The following FHOD3 variants were observed in gnomAD, a reference collection of about 807,000 sequenced individuals.
FHOD3 encodes the protein FH1/FH2 domain-containing protein 3.
In FHOD3, 90 loss-of-function variants were observed where a neutral mutation model predicts 173.0. The observed-to-expected ratio is 0.52, with a 90% CI of 0.44 to 0.62. The LOEUF is 0.62. Ranked by LOEUF, FHOD3 falls within the 20% of genes least tolerant of loss-of-function variation. The pLI is 0.00. For missense variants in FHOD3, 1,945 were observed against 2,034.7 expected (o/e 0.96, Z 0.85); for synonymous variants, 828 against 823.0 (o/e 1.01, Z -0.10).
chr18:36,315,735 T>G (rs945345546), intron 1 of FHOD3, among the ~76,000 whole-genome samples: 2 of 152,158 alleles, frequency 1.3e-5, no homozygotes, highest in Admixed American at 6.6e-5. Context: ...TGCACCAGGC[T>G]GGGGGAGAGG....
intron 3 of FHOD3, among the ~76,000 whole-genome samples, chr18:36,394,061 A>G (rs1406445626): frequency 6.6e-6 from 1 of 152,220 alleles, no homozygotes; most frequent in Non-Finnish European, 1.5e-5. Flanking sequence ...TGAATTTGCT[A>G]ACAAAGCAAA....
At chr18:36,774,499 A>C (rs570644339) in intron 28 of FHOD3, among the ~76,000 whole-genome samples, 1 of 152,280 alleles carries the variant, frequency 6.6e-6, no homozygotes, top group African/African-American at 2.4e-5. Context: ...CCAAACCTGG[A>C]CATCTGATTA....
intron 1 of FHOD3, among the ~76,000 whole-genome samples, chr18:36,347,791 A>C (rs759584897): frequency 1.3e-5 from 2 of 152,252 alleles, no homozygotes; most frequent in East Asian, 3.8e-4. Context: ...AATTGATTTC[A>C]TGTAGTCTTT....
At chr18:36,665,525 G>T (rs541867028) in intron 14 of FHOD3, among the ~76,000 whole-genome samples, 34 of 152,108 alleles carry the variant, frequency 2.2e-4, no homozygotes, top group African/African-American at 8.0e-4. Flanking sequence ...CAAAAGGTCT[G>T]GGAAACTGAG....
chr18:36,686,045 G>A (rs765970542), intron 15 of FHOD3, among the ~76,000 whole-genome samples: 6 of 152,076 alleles, frequency 3.9e-5, no homozygotes, highest in Non-Finnish European at 8.8e-5. Context: ...ACAGTGTGGC[G>A]ATTCCTCAGA....
chr18:36,681,339 G>T (rs1600219132), intron 14 of FHOD3, 97 bp from the exon 15 acceptor site: 2 of 1,449,036 alleles, frequency 1.4e-6, no homozygotes, highest in Non-Finnish European at 1.9e-6. Flanking sequence ...CTAGGTACCG[G>T]CAGACCCTCA....
intron 5 of FHOD3, among the ~76,000 whole-genome samples, chr18:36,526,998 A>G (rs994919098): frequency 1.3e-5 from 2 of 152,316 alleles, no homozygotes; most frequent in East Asian, 3.9e-4. Context: ...TGAGATGTTA[A>G]CCTTCTAGAT....
chr18:36,763,986 ATAT>A (rs2043033960), intron 27 of FHOD3, among the ~76,000 whole-genome samples: 4 of 152,224 alleles, frequency 2.6e-5, no homozygotes, highest in Non-Finnish European at 4.4e-5. Context: ...GAAGAAAATA[ATAT>A]TATGCTTTGG....
chr18:36,472,334 G>A (rs1197198894), intron 3 of FHOD3, among the ~76,000 whole-genome samples: 2 of 152,264 alleles, frequency 1.3e-5, no homozygotes, highest in East Asian at 3.9e-4. Context: ...TTTTATGGAT[G>A]AGAAAAAACC....
At chr18:36,715,209 A>C (rs2040382372) in intron 18 of FHOD3, among the ~76,000 whole-genome samples, 1 of 152,192 alleles carries the variant, frequency 6.6e-6, no homozygotes, top group African/African-American at 2.4e-5. Context: ...GACCAGGTGA[A>C]AATAATTGAA....
At chr18:36,422,753 G>A (rs539522155) in intron 3 of FHOD3, among the ~76,000 whole-genome samples, 6 of 152,276 alleles carry the variant, frequency 3.9e-5, no homozygotes, top group East Asian at 3.9e-4. Context: ...TTTTGAAAAC[G>A]TTAATTAGCG....
intron 1 of FHOD3, among the ~76,000 whole-genome samples, chr18:36,346,338 G>A (rs1334277431): frequency 6.6e-6 from 1 of 152,064 alleles, no homozygotes; most frequent in Admixed American, 6.6e-5. Flanking sequence ...TGCACTCCAA[G>A]CTGGGTGACA....
chr18:36,476,904 G>A (rs2053604644), intron 3 of FHOD3, among the ~76,000 whole-genome samples: 1 of 152,210 alleles, frequency 6.6e-6, no homozygotes, highest in African/African-American at 2.4e-5. Context: ...AAGAAGCATA[G>A]GATGAAGATC....
intron 3 of FHOD3, among the ~76,000 whole-genome samples, chr18:36,473,000 A>T (rs1476349169): frequency 6.6e-6 from 1 of 152,246 alleles, no homozygotes; most frequent in East Asian, 1.9e-4. Context: ...CTCCTTTGAC[A>T]TGACCAAAGC....
intron 4 of FHOD3, among the ~76,000 whole-genome samples, chr18:36,506,559 G>A (rs1043394061): frequency 1.3e-5 from 2 of 152,236 alleles, no homozygotes; most frequent in African/African-American, 4.8e-5. Flanking sequence ...TGAGCTGGAA[G>A]AAGTGGATAT....
chr18:36,400,173 T>A (rs558104749), intron 3 of FHOD3, among the ~76,000 whole-genome samples: 1 of 152,334 alleles, frequency 6.6e-6, no homozygotes, highest in Non-Finnish European at 1.5e-5. Flanking sequence ...TATTTTTGTA[T>A]GTTTGTAGAG....
At chr18:36,748,341 C>T (rs557733831) in intron 24 of FHOD3, among the ~76,000 whole-genome samples, 1 of 151,284 alleles carries the variant, frequency 6.6e-6, no homozygotes, top group African/African-American at 2.4e-5. Flanking sequence ...GCAAGCAATT[C>T]CCCATTTAAA....
chr18:36,766,919 A>C (rs1283531793), intron 27 of FHOD3, among the ~76,000 whole-genome samples: 3 of 152,234 alleles, frequency 2.0e-5, no homozygotes. Flanking sequence ...TTAAGATAAG[A>C]CAAAATTATA....
At chr18:36,578,416 C>A (rs1267997338) in intron 6 of FHOD3, among the ~76,000 whole-genome samples, 1 of 152,188 alleles carries the variant, frequency 6.6e-6, no homozygotes, top group East Asian at 1.9e-4. Context: ...CACTTACCTC[C>A]CACTGGGTCC....
Sources: allele counts gnomAD v4.1 joint callset (sites outside exome capture counted in the v4.1 genomes callset), GRCh38; gene constraint gnomAD v4.1.1; transcripts MANE v1.5; gene names NCBI Gene and HGNC (gene_info 2026-07-23, HGNC 2026-07-21).